Variants in CDC42BPA observed in about 807,000 individuals in gnomAD.
CDC42BPA encodes CDC42 binding protein kinase alpha, also known as serine/threonine-protein kinase MRCK alpha.
CDC42BPA carries 80 observed loss-of-function variants against 223.5 expected under a neutral mutation model. That is an observed-to-expected ratio of 0.36 (90% CI 0.30 to 0.43). The LOEUF (loss-of-function observed/expected upper bound fraction) is 0.43, where lower values mean the gene tolerates loss of function less well. Among genes scored for constraint, CDC42BPA ranks in the 20% least tolerant of loss-of-function variants. CDC42BPA has a pLI of 1.00. For synonymous variants in CDC42BPA, 694 were observed against 718.6 expected (o/e 0.97, Z 0.55); for missense variants, 1,743 against 2,099.9 (o/e 0.83, Z 3.32).
rs1405020349 is a variant in CDC42BPA, at chr1:227,023,361, C to A, written c.4531-14G>T. On this transcript the variant is annotated splice_polypyrimidine_tract_variant and intron_variant, in intron 31 of 36. Transcript: ENST00000366766. ...TAAGGGTCGAACCTAAAATAAAAGACAAAATTAGTATTTCAACAAAACCTT... is the reference window on the plus strand; with the variant it reads ...TAAGGGTCGAACCTAAAATAAAAGAAAAAATTAGTATTTCAACAAAACCTT... The A allele has an allele frequency of 6.6e-6, 9 of 1,373,606 alleles. No homozygotes were observed. Among genetic ancestry groups the A allele is most frequent in the East Asian group, 2.4e-5 (1 of 42,096 alleles). 85.1% of individuals were successfully genotyped at this position (1,373,606 alleles called of 1,614,324 possible). A position where few individuals can be genotyped will look rare whatever the true frequency, so the allele number is the denominator to read the frequency against.
chr1:227,154,117 T>C (rs1356067995), intron 6 of CDC42BPA, among the ~76,000 whole-genome samples: 1 of 151,922 alleles, frequency 6.6e-6, no homozygotes, highest in Admixed American at 6.6e-5. Flanking sequence ...GAATGAATGA[T>C]TTAACAATGG....
At chr1:227,008,171 T>C (rs1664465296) in intron 34 of CDC42BPA, among the ~76,000 whole-genome samples, 1 of 152,218 alleles carries the variant, frequency 6.6e-6, no homozygotes, top group Non-Finnish European at 1.5e-5. Context: ...GGAAAATGAA[T>C]AGATTATATC....
chr1:227,198,565 G>T (rs923843683), intron 4 of CDC42BPA, among the ~76,000 whole-genome samples: 2 of 151,426 alleles, frequency 1.3e-5, no homozygotes, highest in Admixed American at 6.6e-5. Context: ...TACTCTATAA[G>T]CATGTAAGGG....
intron 5 of CDC42BPA, among the ~76,000 whole-genome samples, chr1:227,184,800 T>A (rs1668489763): frequency 6.6e-6 from 1 of 152,132 alleles, no homozygotes; most frequent in African/African-American, 2.4e-5. Flanking sequence ...AGTCTGTAGA[T>A]CAATTTGGGA....
At chr1:227,069,559 T>A (rs977141882) in intron 21 of CDC42BPA, 39 of 356,902 alleles carry the variant, frequency 1.1e-4, no homozygotes, top group African/African-American at 7.8e-4. Flanking sequence ...ATGACTCTCA[T>A]GATTAAATCT....
At chr1:227,232,209 G>A (rs1000117370) in intron 2 of CDC42BPA, among the ~76,000 whole-genome samples, 34 of 152,158 alleles carry the variant, frequency 2.2e-4, no homozygotes, top group East Asian at 7.7e-4. Flanking sequence ...ATGGCTAGCC[G>A]GTTTTCCCAG....
intron 1 of CDC42BPA, among the ~76,000 whole-genome samples, chr1:227,257,954 G>C (rs1683379825): frequency 6.6e-6 from 1 of 150,716 alleles, no homozygotes; most frequent in Non-Finnish European, 1.5e-5. Context: ...CGGATTGCTT[G>C]AGTCTAAGAG....
chr1:227,151,172 T>TA (rs1661681289), intron 6 of CDC42BPA, among the ~76,000 whole-genome samples: 1 of 152,144 alleles, frequency 6.6e-6, no homozygotes, highest in East Asian at 1.9e-4. Flanking sequence ...CCCCTTCCCC[T>TA]AGACCCTGGA....
At chr1:227,231,487 A>G (rs1677953597) in intron 2 of CDC42BPA, among the ~76,000 whole-genome samples, 1 of 152,104 alleles carries the variant, frequency 6.6e-6, no homozygotes, top group Admixed American at 6.6e-5. Context: ...TAATCCTTTG[A>G]GTATATGCCC....
intron 15 of CDC42BPA, among the ~76,000 whole-genome samples, chr1:227,098,443 G>T (rs756776183): frequency 6.6e-6 from 1 of 151,924 alleles, no homozygotes; most frequent in Admixed American, 6.6e-5. Flanking sequence ...CATCTCAACT[G>T]TAACTGTTTA....
chr1:227,312,721 T>C (rs535702399), intron 1 of CDC42BPA, among the ~76,000 whole-genome samples: 7 of 152,210 alleles, frequency 4.6e-5, no homozygotes, highest in Non-Finnish European at 1.0e-4. Context: ...AAATCTCATG[T>C]CAAACTGTAA....
chr1:227,162,968 GTGTA>G (rs879609011), intron 5 of CDC42BPA, among the ~76,000 whole-genome samples: 8,154 of 98,646 alleles, frequency 0.083, 253 homozygotes, highest in Non-Finnish European at 0.1. Flanking sequence ...TTCCAAACGT[GTGTA>G]TGTTTCCAAA....
At chr1:227,299,301 C>A (rs1558988076) in intron 1 of CDC42BPA, among the ~76,000 whole-genome samples, 1 of 152,154 alleles carries the variant, frequency 6.6e-6, no homozygotes, top group Non-Finnish European at 1.5e-5. Flanking sequence ...CAGCAATCAT[C>A]TTTGTATATC....
intron 1 of CDC42BPA, among the ~76,000 whole-genome samples, chr1:227,301,663 T>C (rs1354394286): frequency 1.3e-5 from 2 of 152,202 alleles, no homozygotes; most frequent in African/African-American, 4.8e-5. Flanking sequence ...CAGCCGGATT[T>C]AGACTTTTTA....
At chr1:227,099,735 A>C (rs1021793575) in intron 15 of CDC42BPA, among the ~76,000 whole-genome samples, 1 of 152,122 alleles carries the variant, frequency 6.6e-6, no homozygotes, top group African/African-American at 2.4e-5. Context: ...ATCTGTATAA[A>C]CATCTCTTCT....
intron 10 of CDC42BPA, among the ~76,000 whole-genome samples, chr1:227,138,168 G>A (rs924433821): frequency 7.9e-5 from 12 of 152,042 alleles, no homozygotes; most frequent in African/African-American, 2.9e-4. Context: ...CTAAAAGTAT[G>A]ACAGTAAAGT....
Position 227,231,611 on chromosome 1 carries a change from C to T in CDC42BPA, c.271-18392G>A, listed in dbSNP as rs537483008. ...TACAGTCCCACCAACAGTGTAAAAG[C>T]GTTCCTATTTCTCCACATCCTCTCC... On this transcript the variant is annotated intron_variant, in intron 2 of 36. Transcript: ENST00000366766. 1.7e-3 allele frequency among the ~76,000 whole-genome samples: 261 copies of T among 150,606 alleles called. 1 individual carries two copies. The highest frequency in any genetic ancestry group is 4.8e-3 in the African/African-American group (195 of 40,858).
intron 23 of CDC42BPA, among the ~76,000 whole-genome samples, chr1:227,042,732 G>A (rs1440006227): frequency 6.6e-6 from 1 of 151,810 alleles, no homozygotes; most frequent in Non-Finnish European, 1.5e-5. Flanking sequence ...ACTTCCCTTT[G>A]TGGACAGCTG....
chr1:227,240,895 C>T (rs1679901311), intron 2 of CDC42BPA, among the ~76,000 whole-genome samples: 1 of 151,840 alleles, frequency 6.6e-6, no homozygotes, highest in Admixed American at 6.6e-5. Flanking sequence ...ATTATACCTT[C>T]AAAATTGAAA....
Sources: allele counts gnomAD v4.1 joint callset (sites outside exome capture counted in the v4.1 genomes callset), GRCh38; gene constraint gnomAD v4.1.1; transcripts MANE v1.5; gene names NCBI Gene and HGNC (gene_info 2026-07-23, HGNC 2026-07-21).